The following ATXN7 variants were observed in gnomAD, a reference collection of about 807,000 sequenced individuals.
The protein encoded by ATXN7 is ataxin 7, also known as ataxin-7.
In ATXN7, 12 loss-of-function variants were observed where a neutral mutation model predicts 70.5. The ratio of observed to expected loss-of-function variants is 0.17; its 90% CI spans 0.11 to 0.28. The LOEUF (loss-of-function observed/expected upper bound fraction) is 0.28, where lower values mean the gene tolerates loss of function less well. Among genes scored for constraint, ATXN7 ranks in the 10% least tolerant of loss-of-function variants. The pLI is 1.00. For missense variants in ATXN7, 1,256 were observed against 1,131.7 expected (o/e 1.11, Z -1.58); for synonymous variants, 498 against 448.7 (o/e 1.11, Z -1.39).
chr3:63,895,783 G>C (rs373863931), intron 1 of ATXN7, among the ~76,000 whole-genome samples: 4 of 144,430 alleles, frequency 2.8e-5, no homozygotes, highest in Non-Finnish European at 4.6e-5. Flanking sequence ...TTGTTTCTCT[G>C]TCTCTCTCTC....
intron 4 of ATXN7, among the ~76,000 whole-genome samples, chr3:63,947,307 C>G (rs1209070458): frequency 6.6e-6 from 1 of 152,122 alleles, no homozygotes; most frequent in Non-Finnish European, 1.5e-5. Context: ...AAATGCTGGC[C>G]AGGCGCAGTA....
intron 11 of ATXN7, among the ~76,000 whole-genome samples, chr3:63,994,008 T>G (rs775235989): frequency 9.2e-5 from 14 of 152,164 alleles, no homozygotes; most frequent in Non-Finnish European, 2.1e-4. Flanking sequence ...CTATGAGTAG[T>G]GCGGGGAGAG....
chr3:63,903,109 T>C (rs531009536), intron 2 of ATXN7, among the ~76,000 whole-genome samples: 6 of 152,000 alleles, frequency 3.9e-5, no homozygotes, highest in Admixed American at 6.6e-5. Flanking sequence ...AATAGGCACA[T>C]GTGGGCCGGG....
intron 5 of ATXN7, among the ~76,000 whole-genome samples, chr3:63,966,233 A>G (rs2106707109): frequency 6.6e-6 from 1 of 152,278 alleles, no homozygotes. Context: ...ATTTAGCTCC[A>G]GAAAGATCCT....
At chr3:63,907,214 C>T (rs1199945142) in intron 2 of ATXN7, among the ~76,000 whole-genome samples, 5 of 152,184 alleles carry the variant, frequency 3.3e-5, no homozygotes, top group Non-Finnish European at 7.4e-5. Context: ...CAGAGTTACA[C>T]AGCTCGTAGT....
chr3:63,955,840 C>T (rs1282294281), intron 5 of ATXN7, among the ~76,000 whole-genome samples: 2 of 152,138 alleles, frequency 1.3e-5, no homozygotes. Context: ...TAGTTCCTAC[C>T]AACTCCAGCA....
At chr3:63,988,623 G>A (rs2075616959) in intron 9 of ATXN7, 4 of 355,308 alleles carry the variant, frequency 1.1e-5, no homozygotes, top group South Asian at 3.5e-5. Context: ...TCCTTCCTGC[G>A]GGTTAGTGAC....
intron 4 of ATXN7, among the ~76,000 whole-genome samples, chr3:63,926,897 T>C (rs779296320): frequency 5.3e-5 from 8 of 152,158 alleles, no homozygotes; most frequent in Admixed American, 3.9e-4. Flanking sequence ...CTCCTACTTA[T>C]GGGTGAGAAC....
At chr3:63,996,664 A>C in intron 12 of ATXN7, 181 bp downstream of exon 12, 1 of 756,998 alleles carries the variant, frequency 1.3e-6, no homozygotes, top group South Asian at 2.4e-5. Context: ...TATGAAGGTA[A>C]AACAGGCTCT....
intron 1 of ATXN7, among the ~76,000 whole-genome samples, chr3:63,874,002 C>G (rs891797593): frequency 2.6e-5 from 4 of 152,124 alleles, no homozygotes; most frequent in Admixed American, 2.6e-4. Context: ...CACCTGGCCC[C>G]GAGGATTCTT....
chr3:63,995,585 A>G lies in ATXN7; in HGVS notation c.1763A>G (p.Gln588Arg), dbSNP rs1169056388. 1.2e-6 allele frequency: 2 copies of G among 1,614,064 alleles called. No homozygotes were observed. Among genetic ancestry groups the G allele is most frequent in the Non-Finnish European group, 1.7e-6 (2 of 1,180,034 alleles). ...CGGACAAACTCTGTGCCGACATCAC[A>G]ATGTGGAGTCAGCTATCTGGCAGCA... ...PHRTNSVPTS[Q>R]CGVSYLAAAT... is the part of the protein sequence containing the mutation. The change falls in exon 12 of 13, where the codon CAA becomes CGA. Residue 588 changes from glutamine (Q) to arginine (R), a missense_variant. By Grantham distance (43) the Gln-to-Arg change is conservative. Coordinates refer to ENST00000674280, the MANE Select transcript of ATXN7 (RefSeq NM_001377405.1).
intron 6 of ATXN7, 82 bp from the exon 7 acceptor site, chr3:63,982,104 A>C (rs996048239): frequency 3.1e-6 from 5 of 1,589,174 alleles, no homozygotes; most frequent in Non-Finnish European, 3.4e-6. Flanking sequence ...CCCAGGCTCT[A>C]TCCTCATCCC....
At chr3:63,871,372 G>C (rs1702586540) in intron 1 of ATXN7, among the ~76,000 whole-genome samples, 1 of 152,004 alleles carries the variant, frequency 6.6e-6, no homozygotes, top group African/African-American at 2.4e-5. Context: ...TTTCCTTCTT[G>C]TTAAAAAAAG....
chr3:63,991,955 C>T (rs2075678818), intron 11 of ATXN7, among the ~76,000 whole-genome samples: 1 of 152,168 alleles, frequency 6.6e-6, no homozygotes, highest in African/African-American at 2.4e-5. Flanking sequence ...CTTTTCACCT[C>T]GGAACCTTTT....
At position 64,000,942 on chromosome 3, in the gene ATXN7, G is replaced by A. The variant is rs547217123; in HGVS notation, c.*1475G>A. 2.0e-5 allele frequency: 3 copies of A among 152,034 alleles called. No homozygotes were observed. The highest frequency in any genetic ancestry group is 4.4e-5 in the Non-Finnish European group (3 of 68,032). 9.4% of individuals were successfully genotyped at this position (152,034 alleles called of 1,614,324 possible). ...GCTCCTGACACGAGTAACAGGCACT[G>A]TTGCTTAGAAGAACACACGAAGTTG... On this transcript the variant is annotated 3_prime_UTR_variant, in exon 13 of 13. Coordinates refer to ENST00000674280, the MANE Select transcript of ATXN7 (RefSeq NM_001377405.1).
At chr3:63,879,718 C>T (rs1009999501) in intron 1 of ATXN7, among the ~76,000 whole-genome samples, 2 of 151,892 alleles carry the variant, frequency 1.3e-5, no homozygotes, top group East Asian at 1.9e-4. Context: ...TCTCGAACTC[C>T]GGACCTCAGG....
chr3:63,919,236 G>A (rs999198466), intron 4 of ATXN7, among the ~76,000 whole-genome samples: 1 of 152,196 alleles, frequency 6.6e-6, no homozygotes, highest in African/African-American at 2.4e-5. Flanking sequence ...TTACTTGTCT[G>A]TGGCTGCTTG....
intron 5 of ATXN7, among the ~76,000 whole-genome samples, chr3:63,959,198 A>G (rs1575952137): frequency 6.6e-6 from 1 of 152,106 alleles, no homozygotes; most frequent in East Asian, 1.9e-4. Flanking sequence ...TTTGTATGAG[A>G]CTCGTAGCAT....
At chr3:63,976,526 T>C (rs1232861393) in intron 5 of ATXN7, among the ~76,000 whole-genome samples, 1 of 152,236 alleles carries the variant, frequency 6.6e-6, no homozygotes, top group Non-Finnish European at 1.5e-5. Flanking sequence ...AATAGACTTT[T>C]TTGGGATATT....
Sources: allele counts gnomAD v4.1 joint callset (sites outside exome capture counted in the v4.1 genomes callset), GRCh38; gene constraint gnomAD v4.1.1; transcripts MANE v1.5; gene names NCBI Gene and HGNC (gene_info 2026-07-23, HGNC 2026-07-21).